CCDC13: variants seen among roughly 807,000 people sequenced by gnomAD.
CCDC13 encodes coiled-coil domain-containing protein 13.
Under a neutral mutation model 87.3 loss-of-function variants are expected in CCDC13, and 70 were observed. That is an observed-to-expected ratio of 0.80 (90% CI 0.66 to 0.98). The LOEUF (loss-of-function observed/expected upper bound fraction) is 0.98. Among genes scored for constraint, CCDC13 ranks in the 50% least tolerant of loss-of-function variants. The probability of loss-of-function intolerance (pLI) is 0.00; values close to 1 mark genes in which losing one functional copy is unlikely to be tolerated. For synonymous variants in CCDC13, 317 were observed against 360.3 expected (o/e 0.88, Z 1.36); for missense variants, 842 against 892.0 (o/e 0.94, Z 0.71).
At chr3:42,720,136 G>C (rs367895681) in intron 13 of CCDC13, among the ~76,000 whole-genome samples, 2 of 152,054 alleles carry the variant, frequency 1.3e-5, no homozygotes, top group Non-Finnish European at 2.9e-5. Context: ...TAAGGCCTGG[G>C]GACATGTGGA....
At chr3:42,729,458 C>T (rs941706509) in intron 13 of CCDC13, among the ~76,000 whole-genome samples, 1 of 152,212 alleles carries the variant, frequency 6.6e-6, no homozygotes, top group African/African-American at 2.4e-5. Flanking sequence ...CCTTCTTTTG[C>T]TATCAGTACC....
At chr3:42,745,869 TG>T (rs1699378048) in intron 7 of CCDC13, 53 bp downstream of exon 7, 1 of 1,440,446 alleles carries the variant, frequency 6.9e-7, no homozygotes, top group Non-Finnish European at 9.8e-7. Flanking sequence ...CAGCTCTTTC[TG>T]GGGTGTTTTA....
chr3:42,717,233 C>G (rs531665926), intron 13 of CCDC13, among the ~76,000 whole-genome samples: 1 of 151,952 alleles, frequency 6.6e-6, no homozygotes, highest in Non-Finnish European at 1.5e-5. Context: ...CAAGACCAGC[C>G]TGGCCAACAT....
In CCDC13 at chr3:42,707,524, CA is replaced by C. The variant is rs1341477830; in HGVS notation, c.*1455del. ...GGAAGGGGCTGAGAAGACAGGGTCC[CA>C]GGAGCCGCAGTGGCTTTTCCAAGGA... On this transcript the variant is annotated 3_prime_UTR_variant, in exon 16 of 16. Coordinates refer to ENST00000310232, the MANE Select transcript of CCDC13 (RefSeq NM_144719.4). 6.6e-6 allele frequency among the ~76,000 whole-genome samples: 1 copy of C among 152,208 alleles called. No individual in the cohort carries two copies. The highest frequency in any genetic ancestry group is 2.4e-5 in the African/African-American group (1 of 41,458).
intron 13 of CCDC13, among the ~76,000 whole-genome samples, chr3:42,715,057 C>T (rs547767380): frequency 2.6e-5 from 4 of 151,396 alleles, no homozygotes; most frequent in African/African-American, 7.3e-5. Context: ...TTTGGGTGGC[C>T]GAGGTGGGTG....
chr3:42,731,183 G>T (rs1287818100), intron 12 of CCDC13, among the ~76,000 whole-genome samples: 1 of 152,050 alleles, frequency 6.6e-6, no homozygotes, highest in Non-Finnish European at 1.5e-5. Context: ...GAGCCCACAT[G>T]TGAGTTCCAA....
At chr3:42,734,659 A>T (rs999548263) in intron 10 of CCDC13, among the ~76,000 whole-genome samples, 1 of 152,204 alleles carries the variant, frequency 6.6e-6, no homozygotes, top group Non-Finnish European at 1.5e-5. Flanking sequence ...CAAACCACGG[A>T]TCCCCAGAAA....
intron 7 of CCDC13, chr3:42,744,881 T>C (rs568782926): frequency 6.6e-6 from 1 of 152,236 alleles, no homozygotes; most frequent in African/African-American, 2.4e-5. Context: ...TTTGTGCTTA[T>C]TATGGTCAGG....
chr3:42,752,461 G>C (rs1014994738), intron 4 of CCDC13, 114 bp downstream of exon 4: 2 of 1,339,412 alleles, frequency 1.5e-6, no homozygotes, highest in Non-Finnish European at 2.1e-6. Flanking sequence ...ACTTGAGAAA[G>C]CCTCTTAACC....
At chr3:42,733,332 G>T in intron 11 of CCDC13, 138 bp downstream of exon 11, 1 of 1,059,778 alleles carries the variant, frequency 9.4e-7, no homozygotes, top group Non-Finnish European at 1.4e-6. Context: ...CATAGGAGAG[G>T]CCCACGTATT....
In CCDC13 at chr3:42,739,695, C is replaced by T; in HGVS notation, c.1103G>A (p.Ser368Asn). The T allele has an allele frequency of 6.2e-7, 1 of 1,614,224 alleles. No individual in the cohort carries two copies. Among genetic ancestry groups the T allele is most frequent in the Admixed American group, 1.7e-5 (1 of 60,012 alleles). Residue 368 changes from serine to asparagine, a missense_variant, in exon 9 of 16, where the codon AGT becomes AAT. Physicochemically the swap from Ser to Asn is conservative, Grantham distance 46. Transcript: ENST00000310232. Reference sequence around the variant, plus strand: ...CTTCTCCACCAGGGTTCCCATCTGACTCTTGAGGGTCTTCATCTCACTTGA... The same window carrying T: ...CTTCTCCACCAGGGTTCCCATCTGATTCTTGAGGGTCTTCATCTCACTTGA... ...LLSSEMKTLKSQMGTLVEKGR... is the reference protein window; with the variant it reads ...LLSSEMKTLKNQMGTLVEKGR...
chr3:42,705,657 C>T (rs1475971336), downstream of CCDC13, among the ~76,000 whole-genome samples: 3 of 152,186 alleles, frequency 2.0e-5, no homozygotes, highest in African/African-American at 7.2e-5. Context: ...GGTGTCTTAT[C>T]CAGCACACCT....
intron 8 of CCDC13, among the ~76,000 whole-genome samples, chr3:42,740,205 C>T (rs1479531928): frequency 6.6e-6 from 1 of 152,202 alleles, no homozygotes; most frequent in African/African-American, 2.4e-5. Flanking sequence ...AAAAAGAGTG[C>T]TGGGCTAGGT....
At position 42,742,845 on chromosome 3, in the gene CCDC13, C is replaced by G. The variant is rs750960688; in HGVS notation, c.987+51G>C. On this transcript the variant is annotated intron_variant, in intron 8 of 15. Transcript: ENST00000310232. ...GCCTCAGAGCCCTTGCAGGCACCAT[C>G]ATGATCTCTCGTTCCCACATGCCCA... 16 of 1,604,234 alleles carry G rather than the reference C, an allele frequency of 1.0e-5. 1 individual carries two copies. The South Asian group carries it at 1.7e-4, about 17-fold the overall frequency.
chr3:42,708,825 G>T lies in CCDC13; in HGVS notation c.*155C>A. The T allele has an allele frequency of 1.4e-6, 1 of 712,772 alleles. No homozygotes were observed. The highest frequency in any genetic ancestry group is 2.2e-6 in the Non-Finnish European group (1 of 451,514). The allele number at this position is 712,772 out of a possible 1,614,324, so 44.2% of individuals were successfully genotyped here. On this transcript the variant is annotated 3_prime_UTR_variant, in exon 16 of 16. Coordinates refer to ENST00000310232, the MANE Select transcript of CCDC13 (RefSeq NM_144719.4). ...TTCTGCCTTCCTGGCCTGAGACATTGGTTTTGGTCATCCTTAAGGAGCCTC... is the reference window on the plus strand; with the variant it reads ...TTCTGCCTTCCTGGCCTGAGACATTTGTTTTGGTCATCCTTAAGGAGCCTC...
chr3:42,741,884 A>T (rs1699231254), intron 8 of CCDC13, among the ~76,000 whole-genome samples: 1 of 152,120 alleles, frequency 6.6e-6, no homozygotes, highest in Non-Finnish European at 1.5e-5. Context: ...CAGCGCTGGG[A>T]GGTGCAATGT....
At chr3:42,716,272 C>T (rs905866580) in intron 13 of CCDC13, among the ~76,000 whole-genome samples, 5 of 151,938 alleles carry the variant, frequency 3.3e-5, no homozygotes, top group African/African-American at 1.2e-4. Flanking sequence ...AAGCCAGGTT[C>T]TCAAGAAAGT....
intron 13 of CCDC13, among the ~76,000 whole-genome samples, chr3:42,727,975 T>G (rs1033916388): frequency 6.6e-6 from 1 of 152,200 alleles, no homozygotes; most frequent in African/African-American, 2.4e-5. Context: ...ACGATACTGT[T>G]CAAACACAGA....
intron 10 of CCDC13, 123 bp downstream of exon 10, chr3:42,735,584 C>T (rs951045866): frequency 2.9e-6 from 3 of 1,021,024 alleles, no homozygotes; most frequent in Admixed American, 1.9e-5. Flanking sequence ...AAGCAGGTGG[C>T]CAAAGTGGAG....
Sources: gnomAD v4.1 joint callset for allele counts (sites outside exome capture counted in the v4.1 genomes callset) on GRCh38, gnomAD v4.1.1 for gene constraint, MANE v1.5 for transcripts, NCBI Gene and HGNC (gene_info 2026-07-23, HGNC 2026-07-21) for gene names.